MED27: variants seen among roughly 807,000 people sequenced by gnomAD.
MED27 encodes the protein mediator complex subunit 27.
A neutral mutation model predicts 38.2 loss-of-function variants in MED27; 30 were observed. The ratio of observed to expected loss-of-function variants is 0.79; its 90% CI spans 0.59 to 1.07. MED27 has a LOEUF of 1.07. Ranked by LOEUF, MED27 falls within the 50% of genes least tolerant of loss-of-function variation. The pLI is 0.00. For synonymous variants in MED27, 122 were observed against 153.5 expected (o/e 0.79, Z 1.52); for missense variants, 289 against 397.5 (o/e 0.73, Z 2.32).
At chr9:131,891,864 A>G (rs1271599646) in intron 5 of MED27, among the ~76,000 whole-genome samples, 3 of 151,986 alleles carry the variant, frequency 2.0e-5, no homozygotes, top group Non-Finnish European at 4.4e-5. Context: ...GTGGAGAGGG[A>G]TGGGGGGCCC....
chr9:132,012,964 C>T (rs959987101), intron 3 of MED27, among the ~76,000 whole-genome samples: 12 of 152,156 alleles, frequency 7.9e-5, no homozygotes, highest in African/African-American at 2.2e-4. Context: ...CTCATATATG[C>T]CAACACTCCC....
At chr9:131,956,160 TAA>T (rs1366211409) in intron 3 of MED27, among the ~76,000 whole-genome samples, 1 of 152,178 alleles carries the variant, frequency 6.6e-6, no homozygotes, top group Non-Finnish European at 1.5e-5. Flanking sequence ...GAAATTACGC[TAA>T]GTCAGAAAAA....
intron 6 of MED27, chr9:131,869,297 C>T: frequency 1.0e-6 from 1 of 985,256 alleles, no homozygotes. Flanking sequence ...CTTGTCAAAG[C>T]ACTCCACCTT....
intron 5 of MED27, among the ~76,000 whole-genome samples, chr9:131,886,456 CT>C (rs1481477225): frequency 6.6e-6 from 1 of 152,184 alleles, no homozygotes. Flanking sequence ...GCACCATCTC[CT>C]TCTTGCATTG....
chr9:131,907,321 T>C (rs55747121), intron 4 of MED27, among the ~76,000 whole-genome samples: 21,466 of 152,132 alleles, frequency 0.14, 1,585 homozygotes, highest in Non-Finnish European at 0.16. Flanking sequence ...CCTCCCTGCC[T>C]GATTCTCCTG....
At chr9:131,942,374 A>C (rs1039042483) in intron 3 of MED27, among the ~76,000 whole-genome samples, 9 of 152,234 alleles carry the variant, frequency 5.9e-5, no homozygotes, top group Non-Finnish European at 1.2e-4. Flanking sequence ...CAAAGTTTAT[A>C]CCAGGTCACT....
chr9:132,067,825 C>T (rs987736834), intron 2 of MED27, among the ~76,000 whole-genome samples: 11 of 152,062 alleles, frequency 7.2e-5, no homozygotes, highest in Non-Finnish European at 1.3e-4. Flanking sequence ...CATTCTCCTG[C>T]CTCAGCCTCC....
chr9:131,991,254 G>A (rs1162801147), intron 3 of MED27, among the ~76,000 whole-genome samples: 1 of 152,216 alleles, frequency 6.6e-6, no homozygotes, highest in Admixed American at 6.5e-5. Context: ...AATACTCTCA[G>A]ATACAACTGC....
chr9:131,974,280 G>A (rs1831555656), intron 3 of MED27, among the ~76,000 whole-genome samples: 1 of 152,214 alleles, frequency 6.6e-6, no homozygotes, highest in South Asian at 2.1e-4. Flanking sequence ...TAGTTCTACT[G>A]TTAAGTTAGT....
intron 3 of MED27, among the ~76,000 whole-genome samples, chr9:131,945,704 A>G (rs1375773276): frequency 6.6e-6 from 1 of 151,632 alleles, no homozygotes; most frequent in East Asian, 1.9e-4. Context: ...GCTTATGCCT[A>G]TAATTCCAAC....
At chr9:131,968,468 T>C (rs1831402857) in intron 3 of MED27, among the ~76,000 whole-genome samples, 1 of 59,718 alleles carries the variant, frequency 1.7e-5, no homozygotes, top group Non-Finnish European at 2.8e-5. Flanking sequence ...AGAGACCCTG[T>C]CTCAAAAAAA....
At chr9:131,943,480 G>A (rs1026461018) in intron 3 of MED27, among the ~76,000 whole-genome samples, 2 of 152,180 alleles carry the variant, frequency 1.3e-5, no homozygotes, top group Admixed American at 6.5e-5. Context: ...TCTGCAGTGC[G>A]GCGCCCCACT....
chr9:132,029,849 CA>C (rs921798269), intron 2 of MED27, among the ~76,000 whole-genome samples: 2 of 57,022 alleles, frequency 3.5e-5, no homozygotes, highest in African/African-American at 1.4e-4. Context: ...ATTACCCTTG[CA>C]AAAAAAAGTG....
In MED27 at chr9:132,051,491, T is replaced by TC. The variant is rs1337121093; in HGVS notation, c.348+25950dup. On this transcript the variant is annotated intron_variant, in intron 2 of 7. Coordinates refer to ENST00000292035, the MANE Select transcript of MED27 (RefSeq NM_004269.4). This position sits in a 1 kb window ranked among gnomAD's most constrained non-coding sequence, Gnocchi z 4.2. ...TGATGCTTTTCAAAGCCCTATCCCATCCCCTGCCCCTCCTTAGCTAGACAT... is the reference window on the plus strand; with the variant it reads ...TGATGCTTTTCAAAGCCCTATCCCATCCCCCTGCCCCTCCTTAGCTAGACAT... 6.6e-6 allele frequency among the ~76,000 whole-genome samples: 1 copy of TC among 152,012 alleles called. No homozygotes were observed. Among genetic ancestry groups the TC allele is most frequent in the Non-Finnish European group, 1.5e-5 (1 of 68,006 alleles).
intron 6 of MED27, among the ~76,000 whole-genome samples, chr9:131,868,201 A>G (rs1328127503): frequency 6.6e-6 from 1 of 152,198 alleles, no homozygotes; most frequent in African/African-American, 2.4e-5. Context: ...GCTATTATTA[A>G]TAAGAGCTTA....
At chr9:132,033,213 T>C (rs529182591) in intron 2 of MED27, among the ~76,000 whole-genome samples, 1 of 152,302 alleles carries the variant, frequency 6.6e-6, no homozygotes, top group South Asian at 2.1e-4. Flanking sequence ...TGACCTGGTA[T>C]TGTCTGTAAA....
At chr9:132,011,011 C>T (rs1832475665) in intron 3 of MED27, among the ~76,000 whole-genome samples, 2 of 152,008 alleles carry the variant, frequency 1.3e-5, no homozygotes, top group Admixed American at 1.3e-4. Flanking sequence ...TGCACATGTA[C>T]CCTAGAACTT....
chr9:131,919,792 T>C (rs192220576), intron 4 of MED27, among the ~76,000 whole-genome samples: 7 of 149,710 alleles, frequency 4.7e-5, no homozygotes, highest in Admixed American at 2.7e-4. Flanking sequence ...ATTCTAAGAA[T>C]AATGCATAAT....
Position 131,860,568 on chromosome 9 carries a change from G to A in MED27, c.906C>T (p.Leu302=), listed in dbSNP as rs748577227. 24 of 1,575,716 alleles carry A rather than the reference G, an allele frequency of 1.5e-5. No homozygotes were observed. Among genetic ancestry groups the A allele is most frequent in the South Asian group, 5.8e-5 (5 of 85,848 alleles). The change falls in exon 8 of 8, where the codon CTC becomes CTT. Residue 302 remains leucine, a synonymous_variant. Transcript: ENST00000292035. The surrounding 1 kb of genome is among the most constrained non-coding windows in gnomAD (Gnocchi z 5.8). The part of the protein sequence containing the change: ...LPPTWRDFRT[L]EAFHDTCRQ ...GCCGGCAGGTGTCATGGAAGGCTTC[G>A]AGGGTTCGGAAATCCCTCCATGTCG...
Sources: gnomAD v4.1 joint callset for allele counts (sites outside exome capture counted in the v4.1 genomes callset) on GRCh38, gnomAD v4.1.1 for gene constraint, Gnocchi (gnomAD v3.1) non-coding constraint, MANE v1.5 for transcripts, NCBI Gene and HGNC (gene_info 2026-07-23, HGNC 2026-07-21) for gene names.